Variants in RBFOX2 observed in about 807,000 individuals in gnomAD.
The protein encoded by RBFOX2 is RNA binding fox-1 homolog 2.
In RBFOX2, 10 loss-of-function variants were observed where a neutral mutation model predicts 49.1. The ratio of observed to expected loss-of-function variants is 0.20; its 90% CI spans 0.13 to 0.35. The LOEUF is 0.35. RBFOX2 is among the 10% of genes least tolerant of loss of function. The pLI is 1.00. For synonymous variants in RBFOX2, 183 were observed against 187.4 expected, an observed-to-expected ratio of 0.98 and a Z score of 0.19; for missense variants, 323 against 486.9, an observed-to-expected ratio of 0.66 and a Z score of 3.17.
chr22:35,832,811 T>C (rs1415166115), intron 1 of RBFOX2, among the ~76,000 whole-genome samples: 2 of 152,124 alleles, frequency 1.3e-5, no homozygotes, highest in Non-Finnish European at 2.9e-5. Context: ...ACCACTGTAC[T>C]CCAGCCTGGG....
intron 1 of RBFOX2, chr22:35,995,037 G>T (rs1389021167): frequency 6.6e-6 from 1 of 152,210 alleles, no homozygotes; most frequent in East Asian, 1.9e-4. Context: ...CCCAAGCTGG[G>T]AAAGGACAGC....
intron 1 of RBFOX2, among the ~76,000 whole-genome samples, chr22:35,911,335 GC>G (rs1191086223): frequency 6.6e-6 from 1 of 152,162 alleles, no homozygotes; most frequent in African/African-American, 2.4e-5. Flanking sequence ...CACTTGGTGG[GC>G]TTTTTTGGGA....
chr22:35,904,326 C>T (rs2149470023), intron 1 of RBFOX2, among the ~76,000 whole-genome samples: 1 of 152,262 alleles, frequency 6.6e-6, no homozygotes, highest in South Asian at 2.1e-4. Context: ...TTTTTGGTTA[C>T]AGATTTCTCC....
intron 1 of RBFOX2, among the ~76,000 whole-genome samples, chr22:36,006,643 G>A (rs190724115): frequency 1.6e-3 from 242 of 152,250 alleles, no homozygotes; most frequent in Non-Finnish European, 2.5e-3. Flanking sequence ...AACTACCAAC[G>A]ACACTTTGGG....
intron 2 of RBFOX2, among the ~76,000 whole-genome samples, chr22:35,790,396 A>T (rs1270133000): frequency 1.3e-5 from 2 of 152,128 alleles, no homozygotes; most frequent in East Asian, 1.9e-4. Flanking sequence ...TAAATACAAA[A>T]TTTTTTCCTT....
At chr22:35,861,572 C>T (rs903345094) in intron 1 of RBFOX2, among the ~76,000 whole-genome samples, 1 of 151,088 alleles carries the variant, frequency 6.6e-6, no homozygotes, top group Non-Finnish European at 1.5e-5. Flanking sequence ...TCATTATTCA[C>T]TAGGAAATTA....
chr22:35,816,921 T>C (rs1953206926), intron 1 of RBFOX2, among the ~76,000 whole-genome samples: 1 of 152,152 alleles, frequency 6.6e-6, no homozygotes, highest in Non-Finnish European at 1.5e-5. Flanking sequence ...AAGATGACCA[T>C]ATTTTATTGC....
intron 1 of RBFOX2, among the ~76,000 whole-genome samples, chr22:35,876,993 GA>G (rs1415830021): frequency 6.6e-6 from 1 of 152,204 alleles, no homozygotes; most frequent in African/African-American, 2.4e-5. Context: ...CACTGACTAA[GA>G]AAGTAGAGAC....
intron 8 of RBFOX2, among the ~76,000 whole-genome samples, chr22:35,760,475 A>T (rs1255471096): frequency 2.0e-5 from 3 of 152,222 alleles, no homozygotes; most frequent in Non-Finnish European, 4.4e-5. Flanking sequence ...ACTCAAAAGA[A>T]CATTCTTTTT....
chr22:35,802,886 G>A (rs1950035087), intron 2 of RBFOX2, among the ~76,000 whole-genome samples: 1 of 152,102 alleles, frequency 6.6e-6, no homozygotes, highest in African/African-American at 2.4e-5. Flanking sequence ...ACCCAAGGCA[G>A]GCTTAAGAAC....
intron 1 of RBFOX2, among the ~76,000 whole-genome samples, chr22:35,879,358 C>A (rs1453034103): frequency 6.6e-6 from 1 of 152,182 alleles, no homozygotes; most frequent in East Asian, 1.9e-4. Context: ...CAGCTATTTA[C>A]ATAAAATTTA....
intron 1 of RBFOX2, among the ~76,000 whole-genome samples, chr22:35,933,810 C>T (rs1462281212): frequency 6.6e-6 from 1 of 151,644 alleles, no homozygotes; most frequent in Non-Finnish European, 1.5e-5. Flanking sequence ...CTCCTATTTG[C>T]CCCCAAGCCC....
chr22:35,954,887 T>G (rs2055372490), intron 1 of RBFOX2, among the ~76,000 whole-genome samples: 1 of 152,158 alleles, frequency 6.6e-6, no homozygotes, highest in African/African-American at 2.4e-5. Context: ...GATAATCAAG[T>G]GAGAAAGGCA....
intron 1 of RBFOX2, among the ~76,000 whole-genome samples, chr22:35,817,959 C>T (rs1419590848): frequency 6.6e-6 from 1 of 150,926 alleles, no homozygotes; most frequent in South Asian, 2.1e-4. Context: ...AACACACACA[C>T]ACACACACAC....
At chr22:35,985,472 T>C (rs1052715169) in intron 1 of RBFOX2, among the ~76,000 whole-genome samples, 1 of 152,152 alleles carries the variant, frequency 6.6e-6, no homozygotes, top group Non-Finnish European at 1.5e-5. Context: ...ATTTAGCTCC[T>C]GCAGATTGTC....
chr22:35,961,027 A>G (rs950220535), intron 1 of RBFOX2, among the ~76,000 whole-genome samples: 4 of 152,302 alleles, frequency 2.6e-5, no homozygotes, highest in African/African-American at 9.6e-5. Flanking sequence ...ATCAGCACAA[A>G]CATGCATATG....
chr22:35,755,263 A>C (rs1428131312), intron 9 of RBFOX2, among the ~76,000 whole-genome samples: 1 of 152,238 alleles, frequency 6.6e-6, no homozygotes, highest in African/African-American at 2.4e-5. Flanking sequence ...GTCCATCTGG[A>C]GAGGTCATGA....
chr22:35,741,833 A>T (rs1378755311), exon 12 of RBFOX2: 2 of 152,610 alleles, frequency 1.3e-5, no homozygotes, highest in East Asian at 3.9e-4. Context: ...ACCTCTTTCT[A>T]GGAAAAAAGA....
At chr22:35,934,505 T>C (rs1318912824) in intron 1 of RBFOX2, among the ~76,000 whole-genome samples, 1 of 152,158 alleles carries the variant, frequency 6.6e-6, no homozygotes, top group Admixed American at 6.5e-5. Flanking sequence ...TTGGCATCAC[T>C]TTTTATTCTC....
Sources: gnomAD v4.1 joint callset for allele counts (sites outside exome capture counted in the v4.1 genomes callset) on GRCh38, gnomAD v4.1.1 for gene constraint, MANE v1.5 for transcripts, NCBI Gene and HGNC (gene_info 2026-07-23, HGNC 2026-07-21) for gene names.